Variants in QKI observed in about 807,000 individuals in gnomAD.
QKI encodes the protein KH domain-containing RNA-binding protein QKI.
QKI carries 10 observed loss-of-function variants against 39.0 expected under a neutral mutation model. The ratio of observed to expected loss-of-function variants is 0.26; its 90% CI spans 0.16 to 0.43. The LOEUF is 0.43. Ranked by LOEUF, QKI falls within the 20% of genes least tolerant of loss-of-function variation. QKI has a pLI of 1.00. For missense variants in QKI, 218 were observed against 428.0 expected, an observed-to-expected ratio of 0.51 and a Z score of 4.33; for synonymous variants, 204 against 155.4, an observed-to-expected ratio of 1.31 and a Z score of -2.33.
At chr6:163,541,198 T>C (rs1472915068) in intron 4 of QKI, among the ~76,000 whole-genome samples, 1 of 152,070 alleles carries the variant, frequency 6.6e-6, no homozygotes, top group East Asian at 1.9e-4. Context: ...AAAAGTTTTT[T>C]CCAATTTTCT....
At chr6:163,427,842 A>T (rs1174150939) in intron 1 of QKI, among the ~76,000 whole-genome samples, 1 of 152,230 alleles carries the variant, frequency 6.6e-6, no homozygotes, top group African/African-American at 2.4e-5. Context: ...GAATAATATC[A>T]GTAAAAATAT....
At chr6:163,561,876 G>T in intron 4 of QKI, 106 bp from the exon 5 acceptor site, 1 of 750,346 alleles carries the variant, frequency 1.3e-6, no homozygotes, top group Non-Finnish European at 2.1e-6. Flanking sequence ...ATTAAAACAG[G>T]TGACTGTAGT....
intron 2 of QKI, among the ~76,000 whole-genome samples, chr6:163,458,059 T>C (rs928540722): frequency 6.6e-6 from 1 of 152,106 alleles, no homozygotes; most frequent in Non-Finnish European, 1.5e-5. Flanking sequence ...CAGGCAGGAA[T>C]GTGCTTGGGA....
intron 7 of QKI, chr6:163,568,342 C>T (rs1783497468): frequency 2.0e-6 from 2 of 985,334 alleles, no homozygotes; most frequent in South Asian, 9.4e-5. Flanking sequence ...CTACTTAATA[C>T]TCCAGTGCCT....
intron 3 of QKI, among the ~76,000 whole-genome samples, chr6:163,490,925 C>T (rs1456585026): frequency 1.3e-5 from 2 of 152,090 alleles, no homozygotes; most frequent in African/African-American, 2.4e-5. Flanking sequence ...GAATTCAAAA[C>T]AAATATAATC....
chr6:163,556,364 T>C (rs912162002), intron 4 of QKI, among the ~76,000 whole-genome samples: 1 of 151,918 alleles, frequency 6.6e-6, no homozygotes, highest in Admixed American at 6.6e-5. Flanking sequence ...TACAAAAAAT[T>C]AGCTGGGCGT....
At chr6:163,502,545 G>GC (rs1213281523) in intron 3 of QKI, among the ~76,000 whole-genome samples, 1 of 151,900 alleles carries the variant, frequency 6.6e-6, no homozygotes, top group Non-Finnish European at 1.5e-5. Context: ...TTATCCCCCT[G>GC]CCCCCCACCT....
intron 7 of QKI, chr6:163,568,001 C>G (rs1783468606): frequency 4.3e-5 from 42 of 985,408 alleles, no homozygotes; most frequent in Non-Finnish European, 4.9e-5. Context: ...ACGTTGAAGA[C>G]TTTTAAACTA....
At chr6:163,549,825 A>G (rs894128986) in intron 4 of QKI, among the ~76,000 whole-genome samples, 3 of 152,186 alleles carry the variant, frequency 2.0e-5, no homozygotes, top group African/African-American at 4.8e-5. Context: ...GTTATTCTCT[A>G]CCTCTTAAAG....
At chr6:163,524,861 C>G (rs1303192457) in intron 3 of QKI, among the ~76,000 whole-genome samples, 3 of 152,102 alleles carry the variant, frequency 2.0e-5, no homozygotes, top group African/African-American at 7.2e-5. Context: ...TCTTAAATGA[C>G]GGGTACTCGT....
At chr6:163,477,239 C>T (rs959922835) in intron 2 of QKI, among the ~76,000 whole-genome samples, 3 of 152,034 alleles carry the variant, frequency 2.0e-5, no homozygotes, top group Non-Finnish European at 4.4e-5. Flanking sequence ...TCGTCTTGAA[C>T]GCCTGTCCTC....
intron 1 of QKI, among the ~76,000 whole-genome samples, chr6:163,421,269 T>G (rs892491704): frequency 1.3e-5 from 2 of 152,174 alleles, no homozygotes; most frequent in African/African-American, 4.8e-5. Flanking sequence ...TTACTGTCAT[T>G]GTTGGGAAGG....
At chr6:163,520,658 A>G (rs1201774204) in intron 3 of QKI, among the ~76,000 whole-genome samples, 1 of 152,218 alleles carries the variant, frequency 6.6e-6, no homozygotes, top group Admixed American at 6.5e-5. Flanking sequence ...TCATGCTGGC[A>G]ACATCATTGA....
At chr6:163,525,091 T>C (rs1369050572) in intron 3 of QKI, among the ~76,000 whole-genome samples, 3 of 152,106 alleles carry the variant, frequency 2.0e-5, no homozygotes, top group African/African-American at 7.3e-5. Flanking sequence ...AAAAATCTTA[T>C]TAACAATTGT....
chr6:163,546,694 A>C (rs1474518850), intron 4 of QKI, among the ~76,000 whole-genome samples: 1 of 152,114 alleles, frequency 6.6e-6, no homozygotes, highest in Non-Finnish European at 1.5e-5. Context: ...GTATATTAAA[A>C]GATTCAAATA....
chr6:163,497,278 T>G (rs945316748), intron 3 of QKI, among the ~76,000 whole-genome samples: 1 of 152,170 alleles, frequency 6.6e-6, no homozygotes, highest in African/African-American at 2.4e-5. Flanking sequence ...TTCAGTTAAA[T>G]CTTAAATTCT....
chr6:163,556,548 G>A (rs1466284006), intron 4 of QKI, among the ~76,000 whole-genome samples: 1 of 147,962 alleles, frequency 6.8e-6, no homozygotes, highest in Non-Finnish European at 1.5e-5. Context: ...AAAAGGCATA[G>A]TTGATGACAT....
At chr6:163,436,385 T>C (rs971355195) in intron 1 of QKI, among the ~76,000 whole-genome samples, 1 of 152,106 alleles carries the variant, frequency 6.6e-6, no homozygotes, top group Non-Finnish European at 1.5e-5. Flanking sequence ...TCTCTTTAGG[T>C]ATAGAATTGG....
chr6:163,464,756 A>G (rs1791606713), intron 2 of QKI, among the ~76,000 whole-genome samples: 1 of 152,188 alleles, frequency 6.6e-6, no homozygotes, highest in Non-Finnish European at 1.5e-5. Context: ...TCCTCTGAAC[A>G]TCTAAAGACG....
Sources: allele counts gnomAD v4.1 joint callset (sites outside exome capture counted in the v4.1 genomes callset), GRCh38; gene constraint gnomAD v4.1.1; transcripts MANE v1.5; gene names NCBI Gene and HGNC (gene_info 2026-07-23, HGNC 2026-07-21).